The following CHCHD3 variants were observed in gnomAD, a reference collection of about 807,000 sequenced individuals.
CHCHD3 encodes MICOS complex subunit MIC19.
In CHCHD3, 20 loss-of-function variants were observed where a neutral mutation model predicts 38.2. The ratio of observed to expected loss-of-function variants is 0.52; its 90% CI spans 0.37 to 0.76. The LOEUF is 0.76. Among genes scored for constraint, CHCHD3 ranks in the 30% least tolerant of loss-of-function variants. The pLI is 0.00. For synonymous variants in CHCHD3, 82 were observed against 100.0 expected, an observed-to-expected ratio of 0.82 and a Z score of 1.07; for missense variants, 245 against 279.2, an observed-to-expected ratio of 0.88 and a Z score of 0.87.
chr7:132,836,402 G>C (rs1244102442), intron 6 of CHCHD3, among the ~76,000 whole-genome samples: 1 of 152,112 alleles, frequency 6.6e-6, no homozygotes, highest in Non-Finnish European at 1.5e-5. Context: ...TTACAGGTGT[G>C]AGCCATCACG....
intron 6 of CHCHD3, among the ~76,000 whole-genome samples, chr7:132,829,846 T>C (rs1807595443): frequency 6.6e-6 from 1 of 152,202 alleles, no homozygotes; most frequent in Non-Finnish European, 1.5e-5. Context: ...AATACTCTCT[T>C]GTCCTTGGTG....
intron 6 of CHCHD3, among the ~76,000 whole-genome samples, chr7:132,835,527 C>T (rs567545969): frequency 2.2e-4 from 34 of 152,266 alleles, no homozygotes; most frequent in Non-Finnish European, 4.9e-4. Context: ...ATGATGTCAA[C>T]GTTGTGCTTC....
intron 2 of CHCHD3, among the ~76,000 whole-genome samples, chr7:133,054,606 T>A (rs1814258901): frequency 6.6e-6 from 1 of 152,200 alleles, no homozygotes; most frequent in African/African-American, 2.4e-5. Context: ...ATTTACCCAT[T>A]TAAAGTACCA....
chr7:132,837,311 A>C (rs77106270), intron 6 of CHCHD3, among the ~76,000 whole-genome samples: 1 of 152,220 alleles, frequency 6.6e-6, no homozygotes, highest in Admixed American at 6.5e-5. Flanking sequence ...TTAAAATAAT[A>C]TATGTAGAGT....
At chr7:132,824,026 G>A (rs1288792075) in intron 6 of CHCHD3, among the ~76,000 whole-genome samples, 1 of 151,990 alleles carries the variant, frequency 6.6e-6, no homozygotes, top group African/African-American at 2.4e-5. Flanking sequence ...ACTATGTTCC[G>A]TCCTTTCAAG....
At chr7:132,847,271 A>G (rs1203895935) in intron 5 of CHCHD3, 1 of 152,186 alleles carries the variant, frequency 6.6e-6, no homozygotes, top group Non-Finnish European at 1.5e-5. Context: ...TTGTTTTCTC[A>G]CTTCTAGGGT....
chr7:132,917,775 C>T (rs1010838434), intron 4 of CHCHD3, among the ~76,000 whole-genome samples: 9 of 142,648 alleles, frequency 6.3e-5, no homozygotes, highest in Admixed American at 1.5e-4. Flanking sequence ...AGGAGAATGA[C>T]GTGAACTCGG....
At chr7:133,014,649 A>G (rs1300132791) in intron 3 of CHCHD3, among the ~76,000 whole-genome samples, 1 of 150,576 alleles carries the variant, frequency 6.6e-6, no homozygotes, top group Admixed American at 6.7e-5. Flanking sequence ...ATAAAATAAC[A>G]GAATAAGCCA....
intron 6 of CHCHD3, among the ~76,000 whole-genome samples, chr7:132,835,906 G>A (rs904950312): frequency 6.6e-6 from 1 of 152,144 alleles, no homozygotes; most frequent in African/African-American, 2.4e-5. Flanking sequence ...AGACACAAGA[G>A]GAAAGACTGT....
At chr7:132,838,708 T>C (rs1807859850) in intron 5 of CHCHD3, among the ~76,000 whole-genome samples, 1 of 152,266 alleles carries the variant, frequency 6.6e-6, no homozygotes, top group African/African-American at 2.4e-5. Flanking sequence ...TACAATTCCT[T>C]ATCATTTGAT....
chr7:132,917,338 G>C (rs970606947), intron 4 of CHCHD3, among the ~76,000 whole-genome samples: 1 of 151,958 alleles, frequency 6.6e-6, no homozygotes. Flanking sequence ...CTAGAAAAGA[G>C]CCAGTCGTAA....
intron 3 of CHCHD3, among the ~76,000 whole-genome samples, chr7:133,003,564 A>T (rs779478464): frequency 2.0e-5 from 3 of 152,218 alleles, no homozygotes; most frequent in Non-Finnish European, 4.4e-5. Context: ...ATCATATGTG[A>T]CAGTGGAAAA....
intron 3 of CHCHD3, among the ~76,000 whole-genome samples, chr7:132,981,436 T>C (rs1811916502): frequency 6.6e-6 from 1 of 152,236 alleles, no homozygotes; most frequent in South Asian, 2.1e-4. Context: ...GGAATTAGTT[T>C]CCATTATACT....
chr7:132,828,324 T>C (rs1456052920), intron 6 of CHCHD3, among the ~76,000 whole-genome samples: 2 of 152,316 alleles, frequency 1.3e-5, no homozygotes, highest in African/African-American at 2.4e-5. Flanking sequence ...ATGTTTTAAA[T>C]GTACAGTTCC....
At chr7:132,817,588 G>A (rs1325500247) in intron 6 of CHCHD3, among the ~76,000 whole-genome samples, 1 of 152,022 alleles carries the variant, frequency 6.6e-6, no homozygotes, top group Non-Finnish European at 1.5e-5. Flanking sequence ...GGGTTCATGG[G>A]GGAGACTGTG....
At chr7:132,920,483 CA>C (rs1417150934) in intron 4 of CHCHD3, among the ~76,000 whole-genome samples, 2 of 152,234 alleles carry the variant, frequency 1.3e-5, no homozygotes, top group East Asian at 3.9e-4. Context: ...CCCCAAAAAT[CA>C]GAGAAACAGA....
At chr7:133,027,239 G>A (rs967076567) in intron 2 of CHCHD3, among the ~76,000 whole-genome samples, 11 of 151,706 alleles carry the variant, frequency 7.3e-5, no homozygotes, top group Non-Finnish European at 1.0e-4. Context: ...ATGCCCAGAC[G>A]AAAATATTCT....
chr7:132,825,605 T>G (rs1807489666), intron 6 of CHCHD3, among the ~76,000 whole-genome samples: 1 of 152,222 alleles, frequency 6.6e-6, no homozygotes, highest in Non-Finnish European at 1.5e-5. Context: ...ACTGGTTGAT[T>G]ATGAGCAGTA....
Position 132,906,718 on chromosome 7 carries a change from T to TA in CHCHD3, c.370-20974dup, listed in dbSNP as rs1009180561. Among the ~76,000 whole-genome samples the TA allele has an allele frequency of 1.2e-4, 18 of 151,862 alleles. No homozygotes were observed. The East Asian group carries it at 2.5e-3, about 21-fold the overall frequency. On this transcript the variant is annotated intron_variant, in intron 4 of 7. Transcript: ENST00000262570. ...AGCTGACAACCAGCTGGAATATTTG[T>TA]AAAAAAAAGACTGCCTAGCAGGTCT...
Sources: gnomAD v4.1 joint callset for allele counts (sites outside exome capture counted in the v4.1 genomes callset) on GRCh38, gnomAD v4.1.1 for gene constraint, MANE v1.5 for transcripts, NCBI Gene and HGNC (gene_info 2026-07-23, HGNC 2026-07-21) for gene names.